MAST2: variants seen among roughly 807,000 people sequenced by gnomAD.
The protein encoded by MAST2 is microtubule associated serine/threonine kinase 2, also known as microtubule-associated serine/threonine-protein kinase 2.
In MAST2, 70 loss-of-function variants were observed where a neutral mutation model predicts 147.4. The observed-to-expected ratio is 0.47, with a 90% CI of 0.39 to 0.58. MAST2 has a LOEUF of 0.58. Ranked by LOEUF, MAST2 falls within the 20% of genes least tolerant of loss-of-function variation. The pLI is 0.00. For synonymous variants in MAST2, 869 were observed against 896.8 expected, an observed-to-expected ratio of 0.97 and a Z score of 0.55; for missense variants, 2,080 against 2,302.3, an observed-to-expected ratio of 0.90 and a Z score of 1.98.
At chr1:45,881,123 T>C (rs1570515547) in intron 3 of MAST2, among the ~76,000 whole-genome samples, 1 of 152,328 alleles carries the variant, frequency 6.6e-6, no homozygotes, top group Non-Finnish European at 1.5e-5. Flanking sequence ...TATGACTCAG[T>C]AGTTCAACAT....
intron 4 of MAST2, among the ~76,000 whole-genome samples, chr1:45,939,967 CTATT>C (rs1225026778): frequency 8.3e-5 from 6 of 72,422 alleles, no homozygotes; most frequent in Non-Finnish European, 1.6e-4. Context: ...CGGAAGTTCT[CTATT>C]TATTTAGGGT....
At chr1:45,942,693 T>C (rs1441134128) in intron 4 of MAST2, among the ~76,000 whole-genome samples, 1 of 152,200 alleles carries the variant, frequency 6.6e-6, no homozygotes, top group Non-Finnish European at 1.5e-5. Flanking sequence ...AGGAAATGTT[T>C]GGTAAATAAG....
intron 3 of MAST2, among the ~76,000 whole-genome samples, chr1:45,854,267 G>A (rs1355061695): frequency 2.6e-5 from 4 of 151,824 alleles, no homozygotes; most frequent in Non-Finnish European, 5.9e-5. Context: ...AACCCGGGAG[G>A]CAGAGGTTGC....
At chr1:45,938,665 C>T (rs908318138) in intron 4 of MAST2, among the ~76,000 whole-genome samples, 4 of 152,208 alleles carry the variant, frequency 2.6e-5, no homozygotes, top group Non-Finnish European at 5.9e-5. Context: ...CTGTTTTCTG[C>T]AGTGGACTGC....
In MAST2 at chr1:46,010,067, A is replaced by G. The variant is rs1645650106; in HGVS notation, c.979-663A>G. On this transcript the variant is annotated intron_variant, in intron 9 of 28. Coordinates refer to ENST00000361297, the MANE Select transcript of MAST2 (RefSeq NM_015112.3). ...TCCTATCCACAGTCCCCCCATTCCA[A>G]CTCACCATCTGTGACCAGACAGGTT... is the stretch of plus-strand genomic sequence containing the variant. Among the ~76,000 whole-genome samples, 3 of 151,870 alleles carry G rather than the reference A, an allele frequency of 2.0e-5. No homozygotes were observed. The South Asian group carries it at 6.2e-4, about 32-fold the overall frequency.
At chr1:45,843,078 T>TTA (rs1645325446) in intron 3 of MAST2, among the ~76,000 whole-genome samples, 1 of 152,162 alleles carries the variant, frequency 6.6e-6, no homozygotes, top group South Asian at 2.1e-4. Context: ...TTTTGACCAT[T>TTA]TATATATCTT....
chr1:46,034,724 C>A lies in MAST2; in HGVS notation c.4055C>A (p.Pro1352His), dbSNP rs764080832. 1.2e-6 allele frequency: 2 copies of A among 1,614,136 alleles called. No homozygotes were observed. Among genetic ancestry groups the A allele is most frequent in the East Asian group, 2.2e-5 (1 of 44,874 alleles). The change falls in exon 29 of 29, where the codon CCC becomes CAC. Residue 1352 changes from proline (P) to histidine (H), a missense_variant. Pro to His is a moderately conservative substitution (Grantham distance 77, BLOSUM62 -2). This residue lies in a region of MAST2 where 1,278 missense variants were observed against 1,304.2 expected (regional missense o/e 0.98). Coordinates refer to ENST00000361297, the MANE Select transcript of MAST2 (RefSeq NM_015112.3). ...TCACCACTGGCCCACACCCCTTCTC[C>A]CCCACCCCCAACAGCTTCACCTCAG... ...PLSPLAHTPS[P>H]PPPTASPQRS...
Position 45,816,200 on chromosome 1 carries a change from T to C in MAST2, c.178-8233T>C, listed in dbSNP as rs900923859. Among the ~76,000 whole-genome samples the C allele has an allele frequency of 2.4e-3, 149 of 60,860 alleles. 1 individual carries two copies. The highest frequency in any genetic ancestry group is 8.4e-3 in the African/African-American group (144 of 17,110). 39.9% of individuals were successfully genotyped at this position (60,860 alleles called of 152,430 possible). On this transcript the variant is annotated intron_variant, in intron 1 of 28. Coordinates refer to ENST00000361297, the MANE Select transcript of MAST2 (RefSeq NM_015112.3). Reference sequence around the variant, plus strand: ...AAGAAAGGCAGCTTGGTATTGGGGGTGGGGGGGAGAGAGAGAGAGAAAGAG... The same window carrying C: ...AAGAAAGGCAGCTTGGTATTGGGGGCGGGGGGGAGAGAGAGAGAGAAAGAG...
chr1:45,948,007 C>T (rs553184078), intron 4 of MAST2, among the ~76,000 whole-genome samples: 11 of 152,308 alleles, frequency 7.2e-5, no homozygotes, highest in South Asian at 2.1e-4. Context: ...TGAGCCACTG[C>T]GCCTGGCCCC....
intron 4 of MAST2, among the ~76,000 whole-genome samples, chr1:45,889,190 A>T (rs1013182409): frequency 4.0e-5 from 6 of 149,064 alleles, no homozygotes; most frequent in African/African-American, 1.2e-4. Context: ...TTTTGGTGAA[A>T]TTTTTTTTTT....
At chr1:45,813,521 G>T (rs567467003) in intron 1 of MAST2, among the ~76,000 whole-genome samples, 2 of 137,980 alleles carry the variant, frequency 1.4e-5, no homozygotes, top group Admixed American at 7.5e-5. Context: ...TTTTTGAGAC[G>T]AAGTTTTGCT....
intron 8 of MAST2, among the ~76,000 whole-genome samples, chr1:46,006,843 G>A (rs374238091): frequency 5.2e-4 from 79 of 152,298 alleles, no homozygotes; most frequent in African/African-American, 1.8e-3. Flanking sequence ...GGTAAAAGGA[G>A]AACAATGGTA....
intron 15 of MAST2, among the ~76,000 whole-genome samples, chr1:46,025,169 A>AT (rs1329449160): frequency 6.6e-6 from 1 of 152,084 alleles, no homozygotes; most frequent in Non-Finnish European, 1.5e-5. Context: ...AAATGCAAAA[A>AT]TTAGCTGGGT....
At chr1:45,861,184 C>G (rs1645969359) in intron 3 of MAST2, among the ~76,000 whole-genome samples, 1 of 152,216 alleles carries the variant, frequency 6.6e-6, no homozygotes, top group Non-Finnish European at 1.5e-5. Context: ...GTTACTCTCT[C>G]TATTCCATGT....
At position 45,838,171 on chromosome 1, in the gene MAST2, G is replaced by A. The variant is rs529751169; in HGVS notation, c.468+8590G>A. 9.3e-5 allele frequency among the ~76,000 whole-genome samples: 14 copies of A among 149,744 alleles called. No individual in the cohort carries two copies. In the East Asian group the frequency reaches 2.8e-3, roughly 29 times the overall value. On this transcript the variant is annotated intron_variant, in intron 3 of 28. Coordinates refer to ENST00000361297, the MANE Select transcript of MAST2 (RefSeq NM_015112.3). ...TTTGCATTTCTCTAATGACTAATGA[G>A]ATTGAACATATTTTTATGTGCTTAT...
rs1164601238 is a variant in MAST2, at chr1:46,035,874, G to T, written c.5205G>T (p.Val1735=). The change falls in exon 29 of 29, where the codon GTG becomes GTT. Residue 1735 remains valine, a synonymous_variant. Transcript: ENST00000361297. The surrounding 1 kb of genome is among the most constrained non-coding windows in gnomAD (Gnocchi z 5.5). Reference sequence around the variant, plus strand: ...GGGAGTCTGAGTGTGCACAAGCAGTGAAAGAGGATCCAGCCCTGAGCATCA... The same window carrying T: ...GGGAGTCTGAGTGTGCACAAGCAGTTAAAGAGGATCCAGCCCTGAGCATCA... ...WLWESECAQA[V]KEDPALSITQ... The T allele has an allele frequency of 1.2e-6, 2 of 1,613,986 alleles. No homozygotes were observed. The highest frequency in any genetic ancestry group is 1.7e-6 in the Non-Finnish European group (2 of 1,180,038).
Position 46,031,644 on chromosome 1 carries a change from C to CT in MAST2, c.3187+61dup. 6.5e-7 allele frequency: 1 copy of CT among 1,530,008 alleles called. No homozygotes were observed. Among genetic ancestry groups the CT allele is most frequent in the East Asian group, 2.3e-5 (1 of 43,080 alleles). 94.8% of individuals were successfully genotyped at this position (1,530,008 alleles called of 1,614,324 possible). A position where few individuals can be genotyped will look rare whatever the true frequency, so the allele number is the denominator to read the frequency against. ...AGGAAGGGCCTTGTAATCTCTAGGC[C>CT]TTGGGAGGGTTCTGCACGTGGCAGG... On this transcript the variant is annotated intron_variant, in intron 24 of 28. Coordinates refer to ENST00000361297, the MANE Select transcript of MAST2 (RefSeq NM_015112.3). This position sits in a 1 kb window ranked among gnomAD's most constrained non-coding sequence, Gnocchi z 4.1.
rs181004740 is a variant in MAST2, at chr1:45,859,213, G to T, written c.469-23151G>T. On this transcript the variant is annotated intron_variant, in intron 3 of 28. Coordinates refer to ENST00000361297, the MANE Select transcript of MAST2 (RefSeq NM_015112.3). The stretch of plus-strand genomic sequence containing the variant: ...GGGTTCAAGTGATTCAGCTGTCTCA[G>T]CCTGATGAGTAGCTGGGACTACAGG... Among the ~76,000 whole-genome samples the T allele has an allele frequency of 2.0e-3, 309 of 152,284 alleles. 2 individuals are homozygous for T. Among genetic ancestry groups the T allele is most frequent in the Middle Eastern group, 6.8e-3 (2 of 294 alleles).
chr1:45,880,294 T>C (rs745306002), intron 3 of MAST2, among the ~76,000 whole-genome samples: 4 of 152,238 alleles, frequency 2.6e-5, no homozygotes, highest in Non-Finnish European at 4.4e-5. Context: ...AAGAAGCCTA[T>C]GTAAAAAGGT....
Sources: gnomAD v4.1 joint callset for allele counts (sites outside exome capture counted in the v4.1 genomes callset) on GRCh38, gnomAD v4.1.1 for gene constraint, gnomAD v4.1.1 regional missense constraint, Gnocchi (gnomAD v3.1) non-coding constraint, MANE v1.5 for transcripts, NCBI Gene and HGNC (gene_info 2026-07-23, HGNC 2026-07-21) for gene names.